SGMS1: variants seen among roughly 807,000 people sequenced by gnomAD.
SGMS1 encodes phosphatidylcholine:ceramide cholinephosphotransferase 1.
SGMS1 carries 13 observed loss-of-function variants against 46.2 expected under a neutral mutation model. That is an observed-to-expected ratio of 0.28 (90% CI 0.18 to 0.45). The LOEUF (loss-of-function observed/expected upper bound fraction) is 0.45. Ranked by LOEUF, SGMS1 falls within the 20% of genes least tolerant of loss-of-function variation. SGMS1 has a pLI of 1.00. For synonymous variants in SGMS1, 203 were observed against 187.8 expected, an observed-to-expected ratio of 1.08 and a Z score of -0.66; for missense variants, 324 against 519.9, an observed-to-expected ratio of 0.62 and a Z score of 3.66.
At chr10:50,512,338 G>C (rs528950185) in intron 3 of SGMS1, among the ~76,000 whole-genome samples, 6 of 152,280 alleles carry the variant, frequency 3.9e-5, no homozygotes, top group African/African-American at 1.4e-4. Context: ...AAAGGAGAGA[G>C]AGAAAGGGCT....
chr10:50,486,802 T>C (rs915845407), intron 3 of SGMS1, among the ~76,000 whole-genome samples: 7 of 152,204 alleles, frequency 4.6e-5, no homozygotes, highest in African/African-American at 1.7e-4. Flanking sequence ...ACAATCCCAT[T>C]ACTGGATATA....
chr10:50,310,911 C>A (rs1053172114), intron 9 of SGMS1, among the ~76,000 whole-genome samples: 13 of 152,232 alleles, frequency 8.5e-5, no homozygotes, highest in Non-Finnish European at 1.5e-4. Context: ...AATCTACCAT[C>A]ACCCAATCAG....
At chr10:50,482,745 T>A (rs553369496) in intron 3 of SGMS1, among the ~76,000 whole-genome samples, 28 of 152,254 alleles carry the variant, frequency 1.8e-4, no homozygotes, top group African/African-American at 6.3e-4. Flanking sequence ...AATGCCCCAA[T>A]TAAAAGACAC....
intron 5 of SGMS1, among the ~76,000 whole-genome samples, chr10:50,443,853 A>C (rs1199451246): frequency 6.6e-6 from 1 of 152,156 alleles, no homozygotes; most frequent in Non-Finnish European, 1.5e-5. Context: ...GTACAAAGAC[A>C]ATAGCACAAC....
chr10:50,564,362 A>G (rs950914476), intron 2 of SGMS1, among the ~76,000 whole-genome samples: 6 of 152,172 alleles, frequency 3.9e-5, no homozygotes, highest in African/African-American at 1.2e-4. Context: ...GTGATCATAA[A>G]TTTGTTTTAT....
rs1847248322 is a variant in SGMS1 at position 50,311,307 on chromosome 10, C to T, written c.850G>A (p.Gly284Ser). The T allele has an allele frequency of 1.2e-6, 2 of 1,613,878 alleles. No individual in the cohort carries two copies. Among genetic ancestry groups the T allele is most frequent in the African/African-American group, 2.7e-5 (2 of 74,972 alleles). Residue 284 changes from glycine (G) to serine (S), a missense_variant, in exon 9 of 11, where the codon GGC (glycine) becomes AGC (serine). Gly to Ser is a moderately conservative substitution (Grantham distance 56). Coordinates refer to ENST00000361781, the MANE Select transcript of SGMS1 (RefSeq NM_147156.4). ...HNMCGDYLYS[G>S]HTVMLTLTYL... ...GTAAGTGTTAGCATGACCGTGTGGC[C>T]GCTGTACAGATAGTCCCCACACATG...
intron 2 of SGMS1, among the ~76,000 whole-genome samples, chr10:50,580,936 G>C (rs887702793): frequency 1.3e-5 from 2 of 152,114 alleles, no homozygotes; most frequent in Non-Finnish European, 2.9e-5. Flanking sequence ...ACTACAATAT[G>C]TTTTATAAAA....
chr10:50,392,821 C>A (rs1848793092), intron 6 of SGMS1, among the ~76,000 whole-genome samples: 1 of 152,082 alleles, frequency 6.6e-6, no homozygotes, highest in Non-Finnish European at 1.5e-5. Flanking sequence ...GAACAAGAAT[C>A]CAGAAAGTTG....
chr10:50,430,272 A>G (rs1024732752), intron 6 of SGMS1, among the ~76,000 whole-genome samples: 1 of 152,182 alleles, frequency 6.6e-6, no homozygotes, highest in Non-Finnish European at 1.5e-5. Flanking sequence ...AATATGCAAC[A>G]TTATAGACTA....
chr10:50,501,257 G>A (rs1837659062), intron 3 of SGMS1, among the ~76,000 whole-genome samples: 1 of 152,108 alleles, frequency 6.6e-6, no homozygotes. Context: ...CCCTTGTGAA[G>A]TCCTTCAATT....
intron 5 of SGMS1, among the ~76,000 whole-genome samples, chr10:50,450,803 TTATTAGTTTGA>T (rs1204290693): frequency 6.6e-6 from 1 of 152,032 alleles, no homozygotes; most frequent in African/African-American, 2.4e-5. Flanking sequence ...CCTTTTAAAA[TTATTAGTTTGA>T]TAAACTTTCC....
rs371856882 is a variant in SGMS1, at chr10:50,499,940, G to A, written c.-498+19891C>T. ...TCCCAACACTTTGGGAGGCAAAGGC[G>A]GGCGGATCATGAGGTCTGGAGTTCG... On this transcript the variant is annotated intron_variant, in intron 3 of 10. Coordinates refer to ENST00000361781, the MANE Select transcript of SGMS1 (RefSeq NM_147156.4). Among the ~76,000 whole-genome samples, 19 of 152,312 alleles carry A rather than the reference G, an allele frequency of 1.2e-4. No homozygotes were observed. The East Asian group carries it at 1.3e-3, about 11-fold the overall frequency.
chr10:50,392,833 T>C (rs1378553411), intron 6 of SGMS1, among the ~76,000 whole-genome samples: 1 of 152,170 alleles, frequency 6.6e-6, no homozygotes, highest in African/African-American at 2.4e-5. Context: ...AGAAAGTTGA[T>C]TGTTAATGCT....
chr10:50,553,148 C>T lies in SGMS1; in HGVS notation c.-588-33227G>A, dbSNP rs58675275. 8.8e-3 allele frequency among the ~76,000 whole-genome samples: 1,338 copies of T among 152,304 alleles called. 18 individuals are homozygous for T. The highest frequency in any genetic ancestry group is 0.031 in the African/African-American group (1,281 of 41,554). On this transcript the variant is annotated intron_variant, in intron 2 of 10. Transcript: ENST00000361781. ...CACTAAATATTCTTAAATGAAGTCA[C>T]GTTAATGTTGTCCACAATAAGCTCA... is the stretch of plus-strand genomic sequence containing the variant.
At chr10:50,536,300 A>G (rs1358963772) in intron 2 of SGMS1, among the ~76,000 whole-genome samples, 2 of 152,160 alleles carry the variant, frequency 1.3e-5, no homozygotes, top group Non-Finnish European at 2.9e-5. Context: ...GCCACTGCAT[A>G]AACAGTCAAG....
chr10:50,377,478 A>G (rs561570656), intron 6 of SGMS1, among the ~76,000 whole-genome samples: 26 of 152,336 alleles, frequency 1.7e-4, no homozygotes, highest in Admixed American at 9.1e-4. Flanking sequence ...CATTCAAACT[A>G]TAGCACTGAT....
chr10:50,572,753 A>G (rs1838347049), intron 2 of SGMS1, among the ~76,000 whole-genome samples: 1 of 152,180 alleles, frequency 6.6e-6, no homozygotes, highest in Non-Finnish European at 1.5e-5. Flanking sequence ...GTGAGTGCCT[A>G]TCAGTTAGAA....
At chr10:50,336,685 C>G (rs1032085030) in intron 7 of SGMS1, among the ~76,000 whole-genome samples, 2 of 152,124 alleles carry the variant, frequency 1.3e-5, no homozygotes, top group Non-Finnish European at 2.9e-5. Context: ...AGGACAGATG[C>G]CTATAATACC....
intron 1 of SGMS1, among the ~76,000 whole-genome samples, chr10:50,599,082 T>G (rs1193467008): frequency 6.6e-6 from 1 of 152,184 alleles, no homozygotes; most frequent in African/African-American, 2.4e-5. Context: ...AAGAGAGCTT[T>G]CACAGGGGCT....
Sources: gnomAD v4.1 joint callset for allele counts (sites outside exome capture counted in the v4.1 genomes callset) on GRCh38, gnomAD v4.1.1 for gene constraint, MANE v1.5 for transcripts, NCBI Gene and HGNC (gene_info 2026-07-23, HGNC 2026-07-21) for gene names.